Variants in CHMP3 observed in about 807,000 individuals in gnomAD.
CHMP3 encodes charged multivesicular body protein 3, also known as 25.1 protein.
CHMP3 carries 8 observed loss-of-function variants against 27.4 expected under a neutral mutation model. The observed-to-expected ratio is 0.29, with a 90% CI of 0.17 to 0.53. CHMP3 has a LOEUF of 0.53. Ranked by LOEUF, CHMP3 falls within the 20% of genes least tolerant of loss-of-function variation. The probability of loss-of-function intolerance (pLI) is 0.96; values close to 1 mark genes in which losing one functional copy is unlikely to be tolerated. For missense variants in CHMP3, 208 were observed against 271.5 expected, an observed-to-expected ratio of 0.77 and a Z score of 1.64; for synonymous variants, 86 against 85.5, an observed-to-expected ratio of 1.01 and a Z score of -0.03.
intron 2 of CHMP3, among the ~76,000 whole-genome samples, chr2:86,536,081 C>T (rs1036260663): frequency 6.8e-5 from 10 of 146,848 alleles, no homozygotes; most frequent in East Asian, 2.0e-4. Flanking sequence ...CTGCAAGCTC[C>T]GCCTCCCGGG....
intron 3 of CHMP3, among the ~76,000 whole-genome samples, chr2:86,528,469 C>A (rs1385870948): frequency 6.6e-6 from 1 of 152,188 alleles, no homozygotes; most frequent in Non-Finnish European, 1.5e-5. Context: ...TCCTGAGCAG[C>A]TGGGACTACA....
At chr2:86,522,365 G>A (rs144316671) in intron 3 of CHMP3, among the ~76,000 whole-genome samples, 9 of 151,914 alleles carry the variant, frequency 5.9e-5, no homozygotes, top group African/African-American at 9.7e-5. Flanking sequence ...TTCTATCCTC[G>A]TACCTACTCT....
At position 86,526,445 on chromosome 2, in the gene CHMP3, T is replaced by G. The variant is rs1675713529; in HGVS notation, c.286+2773A>C. On this transcript the variant is annotated intron_variant, in intron 3 of 5. Transcript: ENST00000263856. ...AACTGCTGCTGGAAATATAAATTAG[T>G]AAAGCTTCTTTGGAGAGCAATTTTG... Among the ~76,000 whole-genome samples the G allele has an allele frequency of 2.0e-5, 3 of 152,226 alleles. No individual in the cohort carries two copies. In the South Asian group the frequency reaches 6.2e-4, roughly 32 times the overall value.
chr2:86,562,006 G>C (rs1040425164), intron 1 of CHMP3: 3 of 152,166 alleles, frequency 2.0e-5, no homozygotes, highest in Non-Finnish European at 2.9e-5. Flanking sequence ...CACAAAATGT[G>C]CATCTATATA....
chr2:86,542,310 G>A lies in CHMP3; in HGVS notation c.48C>T (p.Val16=). The A allele has an allele frequency of 6.2e-7, 1 of 1,613,066 alleles. No homozygotes were observed. The highest frequency in any genetic ancestry group is 8.5e-7 in the Non-Finnish European group (1 of 1,179,482). The change falls in exon 2 of 6, where the codon GTC becomes GTT. Residue 16 remains valine (V), a splice_region_variant and synonymous_variant. Coordinates refer to ENST00000263856, the MANE Select transcript of CHMP3 (RefSeq NM_016079.4). ...KTQEKPPKEL[V]NEWSLKIRKE... ...TTCTTATCTTCAATGACCACTCATT[G>A]ACCTGGGAAAATTTTTAGAAAAGGA... is the stretch of plus-strand genomic sequence containing the variant.
intron 1 of CHMP3, among the ~76,000 whole-genome samples, chr2:86,546,652 T>C (rs565641837): frequency 5.9e-5 from 9 of 152,090 alleles, no homozygotes; most frequent in African/African-American, 2.2e-4. Flanking sequence ...TGGCCAGGCT[T>C]GTCTACACCT....
intron 3 of CHMP3, among the ~76,000 whole-genome samples, chr2:86,525,284 A>G (rs1675657621): frequency 6.6e-6 from 1 of 152,192 alleles, no homozygotes; most frequent in African/African-American, 2.4e-5. Flanking sequence ...AATACAAAAA[A>G]CTTCAAAATC....
intron 1 of CHMP3, among the ~76,000 whole-genome samples, chr2:86,560,478 A>G (rs1226496981): frequency 2.0e-5 from 3 of 151,838 alleles, no homozygotes; most frequent in South Asian, 2.1e-4. Context: ...CGAACACCGC[A>G]TGTTCTCACT....
intron 1 of CHMP3, among the ~76,000 whole-genome samples, chr2:86,544,207 G>A (rs951262126): frequency 3.3e-5 from 5 of 152,100 alleles, no homozygotes; most frequent in Non-Finnish European, 5.9e-5. Context: ...AACTGTTAAT[G>A]GAAATCTGGG....
At chr2:86,506,376 G>A (rs1674889022) in intron 5 of CHMP3, among the ~76,000 whole-genome samples, 2 of 151,900 alleles carry the variant, frequency 1.3e-5, no homozygotes, top group South Asian at 4.1e-4. Flanking sequence ...AAATCTAGAA[G>A]TAAAAATAAA....
chr2:86,506,596 A>G (rs1188624677), intron 5 of CHMP3, among the ~76,000 whole-genome samples: 7 of 143,868 alleles, frequency 4.9e-5, no homozygotes, highest in South Asian at 4.5e-4. Flanking sequence ...AACACAAATG[A>G]TTTTATTAGG....
chr2:86,531,007 C>T (rs1484299326), intron 2 of CHMP3, among the ~76,000 whole-genome samples: 1 of 152,110 alleles, frequency 6.6e-6, no homozygotes, highest in Non-Finnish European at 1.5e-5. Context: ...AAGTCTTTTG[C>T]CCATTTTTGA....
At chr2:86,547,965 A>C (rs1433250679) in intron 1 of CHMP3, among the ~76,000 whole-genome samples, 2 of 152,216 alleles carry the variant, frequency 1.3e-5, no homozygotes, top group Non-Finnish European at 2.9e-5. Flanking sequence ...GAAACTAGGC[A>C]AAGGAAACTA....
chr2:86,522,587 C>A (rs868458709), intron 3 of CHMP3, among the ~76,000 whole-genome samples: 2 of 152,158 alleles, frequency 1.3e-5, no homozygotes, highest in Non-Finnish European at 2.9e-5. Context: ...CTGTTAATGG[C>A]CCTGCAGTCT....
At chr2:86,550,263 G>A (rs537582242) in intron 1 of CHMP3, among the ~76,000 whole-genome samples, 8 of 152,200 alleles carry the variant, frequency 5.3e-5, no homozygotes, top group Non-Finnish European at 8.8e-5. Flanking sequence ...GCAATCCCAG[G>A]CACTTGGCAG....
chr2:86,540,947 C>T (rs373191449), intron 2 of CHMP3: 6 of 151,722 alleles, frequency 4.0e-5, no homozygotes, highest in African/African-American at 1.2e-4. Context: ...ATGCTGGCCA[C>T]TGTATATGTT....
intron 4 of CHMP3, 128 bp from the exon 5 acceptor site, chr2:86,507,721 G>A: frequency 1.3e-6 from 1 of 741,886 alleles, no homozygotes; most frequent in Non-Finnish European, 2.3e-6. Context: ...ACACGAGACA[G>A]CTGGCCAAAG....
At chr2:86,559,995 G>A (rs1369772417) in intron 1 of CHMP3, among the ~76,000 whole-genome samples, 2 of 152,166 alleles carry the variant, frequency 1.3e-5, no homozygotes, top group Non-Finnish European at 2.9e-5. Flanking sequence ...GGCCGGGCGC[G>A]GTGGCTTACA....
chr2:86,533,716 G>A (rs1558652799), intron 2 of CHMP3, among the ~76,000 whole-genome samples: 2 of 152,108 alleles, frequency 1.3e-5, no homozygotes, highest in Non-Finnish European at 2.9e-5. Context: ...TGTTGCCTAG[G>A]CTGGCCTCAA....
Sources: allele counts gnomAD v4.1 joint callset (sites outside exome capture counted in the v4.1 genomes callset), GRCh38; gene constraint gnomAD v4.1.1; transcripts MANE v1.5; gene names NCBI Gene and HGNC (gene_info 2026-07-23, HGNC 2026-07-21).